The following TDRD3 variants were observed in gnomAD, a reference collection of about 807,000 sequenced individuals.
TDRD3 encodes the protein tudor domain-containing protein 3.
In TDRD3, 45 loss-of-function variants were observed where a neutral mutation model predicts 86.7. The ratio of observed to expected loss-of-function variants is 0.52; its 90% CI spans 0.41 to 0.67. The LOEUF is 0.67. Ranked by LOEUF, TDRD3 falls within the 30% of genes least tolerant of loss-of-function variation. The pLI is 0.00. For synonymous variants in TDRD3, 298 were observed against 301.7 expected, an observed-to-expected ratio of 0.99 and a Z score of 0.13; for missense variants, 814 against 889.0, an observed-to-expected ratio of 0.92 and a Z score of 1.07.
chr13:60,502,777 G>A (rs546381682), intron 8 of TDRD3, among the ~76,000 whole-genome samples: 1 of 152,180 alleles, frequency 6.6e-6, no homozygotes, highest in South Asian at 2.1e-4. Context: ...TCTCTCCATG[G>A]GAATTTTATT....
chr13:60,484,570 A>G, intron 6 of TDRD3: 1 of 367,690 alleles, frequency 2.7e-6, no homozygotes, highest in East Asian at 7.3e-5. Flanking sequence ...TAGTAAAATC[A>G]TTTGACTGTC....
intron 1 of TDRD3, among the ~76,000 whole-genome samples, chr13:60,424,718 C>T (rs753489200): frequency 6.6e-6 from 1 of 152,114 alleles, no homozygotes; most frequent in Non-Finnish European, 1.5e-5. Context: ...AGTAGCTTTT[C>T]GTATATTCAC....
chr13:60,510,898 G>T (rs1415982908), intron 10 of TDRD3, 143 bp downstream of exon 10: 2 of 827,766 alleles, frequency 2.4e-6, no homozygotes, highest in African/African-American at 1.8e-5. Flanking sequence ...TATCCTGAGT[G>T]TTTGTTTATA....
intron 12 of TDRD3, among the ~76,000 whole-genome samples, chr13:60,543,025 A>G (rs1338086836): frequency 6.6e-6 from 1 of 152,190 alleles, no homozygotes; most frequent in Non-Finnish European, 1.5e-5. Context: ...TAGAGCTTCC[A>G]GCTCCATTAA....
chr13:60,474,346 C>T (rs543364996), intron 5 of TDRD3, among the ~76,000 whole-genome samples: 2 of 152,254 alleles, frequency 1.3e-5, no homozygotes, highest in South Asian at 2.1e-4. Context: ...GGGTCACTAC[C>T]GGTCTCCGCG....
chr13:60,510,113 G>T (rs1034000524), intron 9 of TDRD3, among the ~76,000 whole-genome samples, 194 bp downstream of exon 9: 1 of 152,042 alleles, frequency 6.6e-6, no homozygotes, highest in Non-Finnish European at 1.5e-5. Context: ...GTACAAAATG[G>T]ATCTAACAAC....
At chr13:60,418,597 G>A (rs1954581343) in intron 1 of TDRD3, among the ~76,000 whole-genome samples, 1 of 152,100 alleles carries the variant, frequency 6.6e-6, no homozygotes, top group African/African-American at 2.4e-5. Flanking sequence ...TTAAATTGCA[G>A]CACAATTAAT....
chr13:60,484,530 C>T (rs1047086606), intron 6 of TDRD3, among the ~76,000 whole-genome samples: 1 of 151,700 alleles, frequency 6.6e-6, no homozygotes, highest in South Asian at 2.1e-4. Context: ...TAAGGTTTAT[C>T]GTGTGTGTGT....
chr13:60,398,413 A>G (rs988465857), intron 1 of TDRD3, among the ~76,000 whole-genome samples: 8 of 152,220 alleles, frequency 5.3e-5, no homozygotes, highest in African/African-American at 1.9e-4. Flanking sequence ...GAAAGATGGT[A>G]AGGAAAAGGC....
intron 7 of TDRD3, among the ~76,000 whole-genome samples, chr13:60,488,227 A>G (rs753243899): frequency 6.6e-6 from 1 of 152,186 alleles, no homozygotes; most frequent in Non-Finnish European, 1.5e-5. Flanking sequence ...GAAAATAGGA[A>G]CTAAGGAGGG....
At chr13:60,413,492 A>G (rs1049054992) in intron 1 of TDRD3, among the ~76,000 whole-genome samples, 8 of 152,182 alleles carry the variant, frequency 5.3e-5, no homozygotes, top group African/African-American at 1.9e-4. Flanking sequence ...AAATGGTGTC[A>G]ATATTATACC....
At chr13:60,569,943 A>T (rs1958546000) in intron 13 of TDRD3, among the ~76,000 whole-genome samples, 1 of 152,214 alleles carries the variant, frequency 6.6e-6, no homozygotes, top group African/African-American at 2.4e-5. Context: ...TAAGTCTAAG[A>T]CTTGAAACTA....
At chr13:60,431,880 A>G (rs555049722) in intron 1 of TDRD3, among the ~76,000 whole-genome samples, 9 of 152,122 alleles carry the variant, frequency 5.9e-5, no homozygotes, top group African/African-American at 2.2e-4. Context: ...GCTGGTACTT[A>G]GAAGTACTTT....
chr13:60,539,173 G>A (rs1332151250), intron 12 of TDRD3, among the ~76,000 whole-genome samples: 1 of 151,976 alleles, frequency 6.6e-6, no homozygotes, highest in Non-Finnish European at 1.5e-5. Context: ...TTTTTCTGTA[G>A]AATACTCATT....
At chr13:60,553,293 A>G (rs181244728) in intron 12 of TDRD3, among the ~76,000 whole-genome samples, 130 of 152,224 alleles carry the variant, frequency 8.5e-4, no homozygotes, top group Non-Finnish European at 1.5e-3. Context: ...GATACCCTAA[A>G]TCATCATTCA....
chr13:60,430,610 G>A (rs9528134), intron 1 of TDRD3, among the ~76,000 whole-genome samples: 71,128 of 151,756 alleles, frequency 0.47, 17,052 homozygotes, highest in South Asian at 0.55. Flanking sequence ...AATTTATGTG[G>A]AGTCATGGTT....
intron 12 of TDRD3, among the ~76,000 whole-genome samples, chr13:60,544,247 C>A (rs1470610768): frequency 6.6e-6 from 1 of 151,378 alleles, no homozygotes; most frequent in African/African-American, 2.4e-5. Context: ...CCAGCTTGGG[C>A]AAACATAGCA....
Position 60,561,868 on chromosome 13 carries a change from TGTTG to T in TDRD3, c.2119-5656_2119-5653del, listed in dbSNP as rs1566307065. Among the ~76,000 whole-genome samples the T allele has an allele frequency of 3.6e-3, 537 of 147,224 alleles. 4 individuals are homozygous for T. The highest frequency in any genetic ancestry group is 6.2e-3 in the Non-Finnish European group (418 of 67,430). ...GCTACTATGGGCCCAGGTTTTTTGT[TGTTG>T]TTGTTGTTGTTGTTGTTGTTGTTTG... is the stretch of plus-strand genomic sequence containing the variant. On this transcript the variant is annotated intron_variant, in intron 12 of 13. Coordinates refer to ENST00000377881, the MANE Select transcript of TDRD3 (RefSeq NM_001146070.2).
chr13:60,475,409 T>A (rs972273410), intron 5 of TDRD3, among the ~76,000 whole-genome samples: 3 of 152,242 alleles, frequency 2.0e-5, no homozygotes, highest in African/African-American at 7.2e-5. Flanking sequence ...TCCATATTGC[T>A]GCAAAGGACA....
Sources: allele counts gnomAD v4.1 joint callset (sites outside exome capture counted in the v4.1 genomes callset), GRCh38; gene constraint gnomAD v4.1.1; transcripts MANE v1.5; gene names NCBI Gene and HGNC (gene_info 2026-07-23, HGNC 2026-07-21).